The following AKAP7 variants were observed in gnomAD, a reference collection of about 807,000 sequenced individuals.
AKAP7 encodes the protein A kinase (PRKA) anchor protein 7.
Under a neutral mutation model 39.5 loss-of-function variants are expected in AKAP7, and 39 were observed. The ratio of observed to expected loss-of-function variants is 0.99; its 90% CI spans 0.76 to 1.29. The LOEUF is 1.29. Ranked by LOEUF, AKAP7 falls within the 50% of genes most tolerant of loss-of-function variation. The probability of loss-of-function intolerance (pLI) is 0.00; values close to 1 mark genes in which losing one functional copy is unlikely to be tolerated. For missense variants in AKAP7, 414 were observed against 407.7 expected (o/e 1.02, Z -0.13); for synonymous variants, 140 against 139.1 (o/e 1.01, Z -0.05).
At chr6:131,245,679 G>A (rs1411434451) in intron 7 of AKAP7, among the ~76,000 whole-genome samples, 3 of 152,026 alleles carry the variant, frequency 2.0e-5, no homozygotes, top group Non-Finnish European at 4.4e-5. Flanking sequence ...CACTGAAATT[G>A]TGACATTTCT....
chr6:131,256,897 A>G (rs891076599), intron 7 of AKAP7, among the ~76,000 whole-genome samples: 10 of 152,218 alleles, frequency 6.6e-5, no homozygotes, highest in African/African-American at 2.4e-4. Context: ...AAATATTTAT[A>G]GTAAAATAAT....
chr6:131,241,631 A>ATACG (rs1811623814), intron 7 of AKAP7, among the ~76,000 whole-genome samples: 2 of 71,670 alleles, frequency 2.8e-5, no homozygotes, highest in African/African-American at 1.1e-4. Flanking sequence ...GTGTGTGTAT[A>ATACG]TATATATGAC....
chr6:131,268,454 A>C (rs1272647584), intron 7 of AKAP7, among the ~76,000 whole-genome samples: 1 of 152,214 alleles, frequency 6.6e-6, no homozygotes, highest in Non-Finnish European at 1.5e-5. Flanking sequence ...GAAAGTATGA[A>C]GTGTTACCTG....
intron 7 of AKAP7, among the ~76,000 whole-genome samples, chr6:131,264,754 C>T (rs1350623685): frequency 1.3e-5 from 2 of 152,138 alleles, no homozygotes; most frequent in Non-Finnish European, 2.9e-5. Flanking sequence ...GCACGCTGAA[C>T]AGGAAGCACG....
chr6:131,174,275 T>G (rs977023901), intron 5 of AKAP7, among the ~76,000 whole-genome samples: 2 of 152,254 alleles, frequency 1.3e-5, no homozygotes, highest in Non-Finnish European at 2.9e-5. Context: ...AAAACTTTAT[T>G]CACTTACTGA....
At chr6:131,219,289 C>CAA (rs755215493) in intron 6 of AKAP7, among the ~76,000 whole-genome samples, 9 of 72,614 alleles carry the variant, frequency 1.2e-4, no homozygotes, top group Non-Finnish European at 9.1e-5. Context: ...CACTCCATTT[C>CAA]AAAAAAAAAA....
At chr6:131,204,134 A>G (rs534428872) in intron 6 of AKAP7, among the ~76,000 whole-genome samples, 1 of 152,336 alleles carries the variant, frequency 6.6e-6, no homozygotes, top group South Asian at 2.1e-4. Context: ...TGACATTAAA[A>G]AAATGTTAAA....
intron 7 of AKAP7, among the ~76,000 whole-genome samples, chr6:131,255,791 C>T (rs771666351): frequency 5.9e-5 from 9 of 152,060 alleles, no homozygotes; most frequent in Non-Finnish European, 1.2e-4. Context: ...TCTCATTTGC[C>T]CCTTAGAGCT....
chr6:131,211,362 G>T (rs930143029), intron 6 of AKAP7, among the ~76,000 whole-genome samples: 3 of 152,056 alleles, frequency 2.0e-5, no homozygotes, highest in African/African-American at 7.2e-5. Flanking sequence ...ATCTCTAAAA[G>T]AAAAGGCTGG....
intron 6 of AKAP7, among the ~76,000 whole-genome samples, chr6:131,214,913 T>C (rs916014729): frequency 6.6e-6 from 1 of 152,326 alleles, no homozygotes; most frequent in Non-Finnish European, 1.5e-5. Flanking sequence ...TTATTCTGAA[T>C]CTGTATCCAA....
chr6:131,240,204 G>A lies in AKAP7; in HGVS notation c.850+20396G>A, dbSNP rs200958407. On this transcript the variant is annotated intron_variant, in intron 7 of 7. Transcript: ENST00000431975. ...CCCTGTTTGCCTGGGTATCAGCAGC[G>A]GAGGCTGCAGAACAGCGGATATTGG... 1.4e-4 allele frequency among the ~76,000 whole-genome samples: 22 copies of A among 152,320 alleles called. No individual in the cohort carries two copies. The East Asian group carries it at 3.3e-3, about 23-fold the overall frequency.
chr6:131,282,349 T>G lies in AKAP7; in HGVS notation c.*623T>G. The G allele has an allele frequency of 5.0e-6, 7 of 1,399,068 alleles. No individual in the cohort carries two copies. The highest frequency in any genetic ancestry group is 6.5e-6 in the Non-Finnish European group (7 of 1,076,836). 86.7% of individuals were successfully genotyped at this position (1,399,068 alleles called of 1,614,324 possible). A position where few individuals can be genotyped will look rare whatever the true frequency, so the allele number is the denominator to read the frequency against. ...TTTTTTAAAATCCTATTTTGATAAG[T>G]CAGTATGCCATATTTAATGAAATGT... On this transcript the variant is annotated 3_prime_UTR_variant, in exon 8 of 8. Transcript: ENST00000431975.
chr6:131,253,275 G>A (rs1414995144), intron 7 of AKAP7, among the ~76,000 whole-genome samples: 1 of 152,102 alleles, frequency 6.6e-6, no homozygotes, highest in African/African-American at 2.4e-5. Flanking sequence ...TTGTGTGGGA[G>A]CCTAAGCTGT....
intron 6 of AKAP7, among the ~76,000 whole-genome samples, chr6:131,212,650 G>C (rs758302568): frequency 2.2e-4 from 34 of 152,128 alleles, no homozygotes; most frequent in Non-Finnish European, 4.6e-4. Flanking sequence ...TGTTAGACAG[G>C]GGCATCTTTT....
chr6:131,262,202 G>A (rs2128327339), intron 7 of AKAP7, among the ~76,000 whole-genome samples: 1 of 152,304 alleles, frequency 6.6e-6, no homozygotes, highest in African/African-American at 2.4e-5. Context: ...GGGCAACACT[G>A]ATGAGAGTAA....
intron 7 of AKAP7, among the ~76,000 whole-genome samples, chr6:131,261,095 C>CT (rs1813281020): frequency 6.6e-6 from 1 of 151,708 alleles, no homozygotes; most frequent in Non-Finnish European, 1.5e-5. Flanking sequence ...ACTCAGCAGG[C>CT]TGAGGCAGGA....
chr6:131,191,251 T>TATG (rs1290435199), intron 5 of AKAP7, among the ~76,000 whole-genome samples: 1 of 152,218 alleles, frequency 6.6e-6, no homozygotes, highest in African/African-American at 2.4e-5. Context: ...GACAGTTTTG[T>TATG]ATGATTCAGC....
In AKAP7 at chr6:131,185,234, G is replaced by A. The variant is rs150419404; in HGVS notation, c.590-14227G>A. ...AGAAAAATTGTGGATCTTCACAGGG[G>A]TGGGCTCACCGCTTTTTCCGCCAGT... On this transcript the variant is annotated intron_variant, in intron 5 of 7. Coordinates refer to ENST00000431975, the MANE Select transcript of AKAP7 (RefSeq NM_016377.4). The A allele has an allele frequency of 1.5e-5, 7 of 472,970 alleles. No individual in the cohort carries two copies. The Admixed American group carries it at 2.1e-4, about 14-fold the overall frequency. The allele number at this position is 472,970 out of a possible 1,614,324, so 29.3% of individuals were successfully genotyped here.
chr6:131,157,045 G>T (rs1802485620), intron 2 of AKAP7, among the ~76,000 whole-genome samples: 1 of 152,124 alleles, frequency 6.6e-6, no homozygotes, highest in Admixed American at 6.6e-5. Context: ...AAAGTGCTGG[G>T]ATTACAGGCA....
Sources: gnomAD v4.1 joint callset for allele counts (sites outside exome capture counted in the v4.1 genomes callset) on GRCh38, gnomAD v4.1.1 for gene constraint, MANE v1.5 for transcripts, NCBI Gene and HGNC (gene_info 2026-07-23, HGNC 2026-07-21) for gene names.